KDM2B: variants seen among roughly 807,000 people sequenced by gnomAD.
KDM2B encodes the protein lysine-specific demethylase 2B.
Under a neutral mutation model 150.0 loss-of-function variants are expected in KDM2B, and 26 were observed. That is an observed-to-expected ratio of 0.17 (90% CI 0.13 to 0.24). The LOEUF (loss-of-function observed/expected upper bound fraction) is 0.24. Among genes scored for constraint, KDM2B ranks in the 10% least tolerant of loss-of-function variants. KDM2B has a pLI of 1.00. For missense variants in KDM2B, 1,265 were observed against 1,816.9 expected, an observed-to-expected ratio of 0.70 and a Z score of 5.52; for synonymous variants, 734 against 729.5, an observed-to-expected ratio of 1.01 and a Z score of -0.10.
At chr12:121,413,931 A>C in the KDM2B span, among the ~76,000 whole-genome samples, 1 of 152,300 alleles carries the variant, frequency 6.6e-6, no homozygotes, top group African/African-American at 2.4e-5. Flanking sequence ...GTGAAGACTT[A>C]TAATATTGAA....
chr12:121,461,958 G>T (rs1058049), intron 12 of KDM2B, among the ~76,000 whole-genome samples: 9 of 152,352 alleles, frequency 5.9e-5, no homozygotes, highest in Non-Finnish European at 4.4e-5. Context: ...ACAAGAGCCA[G>T]GCAAGTTTCA....
At chr12:121,511,034 A>G (rs1885538332) in intron 10 of KDM2B, among the ~76,000 whole-genome samples, 1 of 150,464 alleles carries the variant, frequency 6.6e-6, no homozygotes, top group African/African-American at 2.4e-5. Context: ...TTTTTGAGAC[A>G]GAGTCTCGCT....
chr12:121,500,002 T>C (rs1028970525), intron 11 of KDM2B, among the ~76,000 whole-genome samples: 1 of 151,886 alleles, frequency 6.6e-6, no homozygotes, highest in Non-Finnish European at 1.5e-5. Context: ...TTTCCCCAAG[T>C]GCCCTGAGCC....
intron 4 of KDM2B, among the ~76,000 whole-genome samples, chr12:121,551,901 A>T (rs142253337): frequency 0.014 from 2,136 of 152,260 alleles, 50 homozygotes; most frequent in African/African-American, 0.049. Flanking sequence ...CATTCTCCAC[A>T]AAAAGGAAAC....
intron 12 of KDM2B, among the ~76,000 whole-genome samples, chr12:121,474,495 A>G (rs1881132914): frequency 6.6e-6 from 1 of 152,192 alleles, no homozygotes; most frequent in Non-Finnish European, 1.5e-5. Flanking sequence ...CAGCCTGGGC[A>G]ACAGAGCAAG....
In KDM2B at chr12:121,429,603, T is replaced by G. The variant is rs1872711897; in HGVS notation, c.*685A>C. On this transcript the variant is annotated 3_prime_UTR_variant, in exon 23 of 23. Transcript: ENST00000377071. ...GTAACTCTTGAGGTACAAAGCAGAC[T>G]CTCAACTTCCAGTTAAACATGCTTT... The G allele has an allele frequency of 5.4e-6, 1 of 186,896 alleles. No individual in the cohort carries two copies. The highest frequency in any genetic ancestry group is 1.1e-5 in the Non-Finnish European group (1 of 89,550). 11.6% of individuals were successfully genotyped at this position (186,896 alleles called of 1,614,324 possible).
At chr12:121,465,394 G>T (rs557322945) in intron 12 of KDM2B, among the ~76,000 whole-genome samples, 2 of 152,006 alleles carry the variant, frequency 1.3e-5, no homozygotes, top group Non-Finnish European at 2.9e-5. Context: ...CCACCACGCC[G>T]GGCTCACTTT....
Position 121,542,256 on chromosome 12 carries a change from A to G in KDM2B, c.683+6621T>C, listed in dbSNP as rs1888663810. 2.0e-5 allele frequency among the ~76,000 whole-genome samples: 3 copies of G among 152,206 alleles called. No homozygotes were observed. The South Asian group carries it at 6.2e-4, about 32-fold the overall frequency. On this transcript the variant is annotated intron_variant, in intron 6 of 22. Coordinates refer to ENST00000377071, the MANE Select transcript of KDM2B (RefSeq NM_032590.5). ...CTGCCAACAGCCACGGGGATGCACC[A>G]TCTTGGAAGCGGATCTTCCAGCCCA...
rs1887805323 is a variant in KDM2B at position 121,533,150 on chromosome 12, G to A, written c.778-191C>T. 1.3e-5 allele frequency among the ~76,000 whole-genome samples: 2 copies of A among 152,340 alleles called. No homozygotes were observed. Among genetic ancestry groups the A allele is most frequent in the South Asian group, 4.1e-4 (2 of 4,830 alleles). On this transcript the variant is annotated intron_variant, in intron 7 of 22. Coordinates refer to ENST00000377071, the MANE Select transcript of KDM2B (RefSeq NM_032590.5). This position sits in a 1 kb window ranked among gnomAD's most constrained non-coding sequence, Gnocchi z 4.1. Reference sequence around the variant, plus strand: ...GGTCCCTAGAGCCTCTGGGGAGGCAGGAAGGGCTGTGCCCACCTTCAGGGA... The same window carrying A: ...GGTCCCTAGAGCCTCTGGGGAGGCAAGAAGGGCTGTGCCCACCTTCAGGGA...
At chr12:121,420,354 T>C in the KDM2B span, 1 of 1,555,594 alleles carries the variant, frequency 6.4e-7, no homozygotes, top group South Asian at 1.2e-5. Context: ...CCTATAAAAT[T>C]TGGTTTCCCT....
At position 121,558,970 on chromosome 12, in the gene KDM2B, G is replaced by A. The variant is rs142562687; in HGVS notation, c.398-9332C>T. On this transcript the variant is annotated intron_variant, in intron 4 of 22. Coordinates refer to ENST00000377071, the MANE Select transcript of KDM2B (RefSeq NM_032590.5). ...CCTCCTAGGCACCCTCTTGGCCTCC[G>A]CTACTTTGCAGCTTTTCACATCACA... 4.5e-3 allele frequency among the ~76,000 whole-genome samples: 681 copies of A among 152,214 alleles called. 2 individuals carry two copies. Among genetic ancestry groups the A allele is most frequent in the Non-Finnish European group, 8.5e-3 (577 of 67,988 alleles).
At position 121,578,943 on chromosome 12, in the gene KDM2B, G is replaced by C. The variant is rs782784440; in HGVS notation, c.130C>G (p.Pro44Ala). 3.1e-6 allele frequency: 5 copies of C among 1,611,626 alleles called. No individual in the cohort carries two copies. Among genetic ancestry groups the C allele is most frequent in the Non-Finnish European group, 4.2e-6 (5 of 1,179,328 alleles). The change falls in exon 2 of 23, where the codon CCG (proline) becomes GCG (alanine). Residue 44 changes from proline (P) to alanine (A), a missense_variant. Coordinates refer to ENST00000377071, the MANE Select transcript of KDM2B (RefSeq NM_032590.5). ...CFEFESATQR[P>A]IDRQRYDENE... ...TCGTCGTATCGCTGGCGGTCAATCG[G>C]GCGCTGCGAGGACCCAAACCAGAGA... is the stretch of plus-strand genomic sequence containing the variant.
intron 12 of KDM2B, among the ~76,000 whole-genome samples, chr12:121,461,351 G>C (rs1555293733): frequency 6.6e-6 from 1 of 152,120 alleles, no homozygotes; most frequent in African/African-American, 2.4e-5. Flanking sequence ...TAGGGAACTG[G>C]ACCCATCACA....
downstream of KDM2B, among the ~76,000 whole-genome samples, chr12:121,427,021 GA>G (rs1555284338): frequency 6.6e-6 from 1 of 152,198 alleles, no homozygotes; most frequent in African/African-American, 2.4e-5. Flanking sequence ...TTCACAATAT[GA>G]AAGGATGTCA....
At position 121,445,358 on chromosome 12, in the gene KDM2B, C is replaced by T. The variant is rs1188928180; in HGVS notation, c.2020G>A (p.Val674Met). The change falls in exon 14 of 23, where the codon GTG (valine) becomes ATG (methionine). Residue 674 changes from valine to methionine, a missense_variant. Physicochemically the swap from Val to Met is conservative, Grantham distance 21. Coordinates refer to ENST00000377071, the MANE Select transcript of KDM2B (RefSeq NM_032590.5). ...TTAAACTTGCCTTCCTCCTCTTCCA[C>T]CGTGTCTTCCTTCCCCGCCTCGCCA... ...VCGEAGKEDT[V>M]EEEEGKFNLM... 2.5e-6 allele frequency: 4 copies of T among 1,610,224 alleles called. No homozygotes were observed. The East Asian group carries it at 8.9e-5, about 36-fold the overall frequency.
intron 6 of KDM2B, among the ~76,000 whole-genome samples, chr12:121,546,259 C>G (rs1166179389): frequency 3.9e-5 from 6 of 152,030 alleles, no homozygotes; most frequent in Non-Finnish European, 8.8e-5. Flanking sequence ...AATCAATGAA[C>G]CATCATCTCA....
At chr12:121,463,601 G>C (rs1004238102) in intron 12 of KDM2B, among the ~76,000 whole-genome samples, 6 of 151,998 alleles carry the variant, frequency 3.9e-5, no homozygotes, top group African/African-American at 1.2e-4. Flanking sequence ...ATTTTTTTGA[G>C]AAAGGGTCTT....
chr12:121,465,019 G>T (rs1214140187), intron 12 of KDM2B, among the ~76,000 whole-genome samples: 1 of 152,048 alleles, frequency 6.6e-6, no homozygotes, highest in Non-Finnish European at 1.5e-5. Context: ...TCTCTGTTGG[G>T]ACTACGAGAC....
At chr12:121,438,065 C>T (rs1874307359) in intron 22 of KDM2B, among the ~76,000 whole-genome samples, 1 of 151,764 alleles carries the variant, frequency 6.6e-6, no homozygotes. Flanking sequence ...GCCAGCCTGG[C>T]CAACATGGTG....
Sources: gnomAD v4.1 joint callset for allele counts (sites outside exome capture counted in the v4.1 genomes callset) on GRCh38, gnomAD v4.1.1 for gene constraint, Gnocchi (gnomAD v3.1) non-coding constraint, MANE v1.5 for transcripts, NCBI Gene and HGNC (gene_info 2026-07-23, HGNC 2026-07-21) for gene names.